SLC35G2: variants seen among roughly 807,000 people sequenced by gnomAD.
SLC35G2 encodes transmembrane protein 22.
In SLC35G2, 20 loss-of-function variants were observed where a neutral mutation model predicts 27.2. The observed-to-expected ratio is 0.74, with a 90% CI of 0.52 to 1.07. The LOEUF (loss-of-function observed/expected upper bound fraction) is 1.07, where lower values mean the gene tolerates loss of function less well. SLC35G2 is among the 50% of genes least tolerant of loss of function. The pLI is 0.00. For synonymous variants in SLC35G2, 148 were observed against 165.3 expected (o/e 0.90, Z 0.80); for missense variants, 416 against 493.3 (o/e 0.84, Z 1.48).
At chr3:136,852,846 T>C (rs1384664007) in intron 1 of SLC35G2, among the ~76,000 whole-genome samples, 1 of 151,482 alleles carries the variant, frequency 6.6e-6, no homozygotes, top group Non-Finnish European at 1.5e-5. Flanking sequence ...AAATAGGAAA[T>C]TGTTGAAAGG....
intron 1 of SLC35G2, among the ~76,000 whole-genome samples, chr3:136,840,525 TCTCCCTCCCTCC>T (rs1186024135): frequency 7.0e-6 from 1 of 142,096 alleles, no homozygotes; most frequent in East Asian, 2.2e-4. Flanking sequence ...TTCCTCTCTC[TCTCCCTCCCTCC>T]CTCTCTCCCT....
chr3:136,842,838 G>C (rs1051166450), intron 1 of SLC35G2: 5 of 152,246 alleles, frequency 3.3e-5, no homozygotes, highest in African/African-American at 9.6e-5. Context: ...GTTCCCTTTA[G>C]ATGGTGCCTG....
intron 1 of SLC35G2, among the ~76,000 whole-genome samples, chr3:136,821,041 TTGG>T (rs1403889423): frequency 1.3e-5 from 2 of 152,156 alleles, no homozygotes; most frequent in Admixed American, 6.5e-5. Flanking sequence ...TTTAAATATA[TTGG>T]TGGTATGTGG....
intron 1 of SLC35G2, among the ~76,000 whole-genome samples, chr3:136,848,562 C>A (rs867680139): frequency 2.6e-4 from 40 of 151,938 alleles, no homozygotes; most frequent in Admixed American, 1.2e-3. Flanking sequence ...CACTGGGTGA[C>A]AAAGTGAATC....
intron 1 of SLC35G2, among the ~76,000 whole-genome samples, chr3:136,849,284 T>C (rs1234709962): frequency 6.6e-6 from 1 of 152,088 alleles, no homozygotes; most frequent in African/African-American, 2.4e-5. Flanking sequence ...TACCTAATTT[T>C]TATTGCGTGC....
chr3:136,831,901 T>G (rs75613538), intron 1 of SLC35G2, among the ~76,000 whole-genome samples: 1 of 152,064 alleles, frequency 6.6e-6, no homozygotes, highest in African/African-American at 2.4e-5. Context: ...TTTTTTTTTT[T>G]GCCTATTTAA....
intron 1 of SLC35G2, among the ~76,000 whole-genome samples, chr3:136,829,383 G>A (rs749459681): frequency 7.9e-5 from 12 of 152,040 alleles, no homozygotes; most frequent in Middle Eastern, 6.8e-3. Context: ...CACTATGCCC[G>A]GCTAATTTTT....
chr3:136,854,315 ATTTCT>A, intron 1 of SLC35G2, 123 bp from the exon 2 acceptor site: 1 of 634,412 alleles, frequency 1.6e-6, no homozygotes, highest in East Asian at 2.9e-5. Flanking sequence ...ATCATCTCTA[ATTTCT>A]TTTTTTTCTG....
At chr3:136,839,198 T>C (rs928948567) in intron 1 of SLC35G2, among the ~76,000 whole-genome samples, 1 of 152,054 alleles carries the variant, frequency 6.6e-6, no homozygotes, top group Non-Finnish European at 1.5e-5. Flanking sequence ...TGCAAATTGA[T>C]AAATCCACTG....
intron 1 of SLC35G2, chr3:136,838,284 A>ATATATATATATATATAT (rs1560013705): frequency 2.7e-5 from 3 of 109,788 alleles, no homozygotes; most frequent in Admixed American, 9.2e-5. Context: ...TATATATATA[A>ATATATATATATATATAT]ATGCACACAC....
At chr3:136,840,202 A>G (rs1009059199) in intron 1 of SLC35G2, among the ~76,000 whole-genome samples, 1 of 152,070 alleles carries the variant, frequency 6.6e-6, no homozygotes, top group African/African-American at 2.4e-5. Flanking sequence ...TTTCAACCCA[A>G]AATAAGGGTT....
At chr3:136,853,311 G>GCCAA (rs1937766956) in intron 1 of SLC35G2, among the ~76,000 whole-genome samples, 1 of 151,778 alleles carries the variant, frequency 6.6e-6, no homozygotes, top group African/African-American at 2.4e-5. Context: ...GGCCAGGCTG[G>GCCAA]CCAACTCCTC....
intron 1 of SLC35G2, among the ~76,000 whole-genome samples, chr3:136,850,164 G>A (rs147032984): frequency 1.3e-5 from 2 of 152,210 alleles, no homozygotes; most frequent in Non-Finnish European, 2.9e-5. Flanking sequence ...TGATATTGAT[G>A]GATCCAAGTG....
In SLC35G2 at chr3:136,854,614, A is replaced by T. The variant is rs769995132; in HGVS notation, c.154A>T (p.Asn52Tyr). 154 of 1,612,806 alleles carry T rather than the reference A, an allele frequency of 9.5e-5. No homozygotes were observed. Among genetic ancestry groups the T allele is most frequent in the Middle Eastern group, 1.6e-4 (1 of 6,078 alleles). The change falls in exon 2 of 2, where the codon AAT becomes TAT. Residue 52 changes from asparagine to tyrosine, a missense_variant. Asn to Tyr is a moderately radical substitution (Grantham distance 143, BLOSUM62 -2). Transcript: ENST00000446465. ...NEGYGNFMEE[N>Y]PKKGLLSEMK... Reference sequence around the variant, plus strand: ...AGGCTATGGAAATTTTATGGAGGAAAATCCAAAGAAAGGTCTGCTGAGTGA... The same window carrying T: ...AGGCTATGGAAATTTTATGGAGGAATATCCAAAGAAAGGTCTGCTGAGTGA...
chr3:136,832,309 C>A (rs539785342), intron 1 of SLC35G2, among the ~76,000 whole-genome samples: 1 of 152,190 alleles, frequency 6.6e-6, no homozygotes. Context: ...CCACCATGCC[C>A]AGCTCATTCT....
chr3:136,846,240 C>A (rs1474218436), intron 1 of SLC35G2, among the ~76,000 whole-genome samples: 1 of 152,154 alleles, frequency 6.6e-6, no homozygotes, highest in Non-Finnish European at 1.5e-5. Context: ...TTACTTTTCT[C>A]AGCCATAGGA....
chr3:136,829,628 T>C (rs1936673737), intron 1 of SLC35G2, among the ~76,000 whole-genome samples: 1 of 152,184 alleles, frequency 6.6e-6, no homozygotes, highest in Admixed American at 6.5e-5. Context: ...ATCCCTCAAC[T>C]TTTATTTGTC....
intron 1 of SLC35G2, among the ~76,000 whole-genome samples, chr3:136,846,123 C>T (rs967859594): frequency 6.6e-6 from 1 of 152,100 alleles, no homozygotes; most frequent in African/African-American, 2.4e-5. Flanking sequence ...ATTCTTTAGC[C>T]AACAGACTTT....
rs1170696054 is a variant in SLC35G2 at position 136,819,288 on chromosome 3, G to A, written c.-359G>A. 2 of 152,172 alleles carry A rather than the reference G, an allele frequency of 1.3e-5. No homozygotes were observed. The highest frequency in any genetic ancestry group is 2.4e-5 in the African/African-American group (1 of 41,402). The allele number at this position is 152,172 out of a possible 1,614,324, so 9.4% of individuals were successfully genotyped here. ...TCCTGCCTGCCCGGCCGCCCGACAA[G>A]GGAATGAGAGCGGACCCCGAACTCC... On this transcript the variant is annotated 5_prime_UTR_variant, in exon 1 of 2. Coordinates refer to ENST00000446465, the MANE Select transcript of SLC35G2 (RefSeq NM_025246.3).
Sources: allele counts gnomAD v4.1 joint callset (sites outside exome capture counted in the v4.1 genomes callset), GRCh38; gene constraint gnomAD v4.1.1; transcripts MANE v1.5; gene names NCBI Gene and HGNC (gene_info 2026-07-23, HGNC 2026-07-21).